The following PRKN variants were observed in gnomAD, a reference collection of about 807,000 sequenced individuals.
PRKN encodes parkin RBR E3 ubiquitin protein ligase, also known as E3 ubiquitin-protein ligase parkin.
A neutral mutation model predicts 59.5 loss-of-function variants in PRKN; 56 were observed. The ratio of observed to expected loss-of-function variants is 0.94; its 90% CI spans 0.76 to 1.18. The LOEUF (loss-of-function observed/expected upper bound fraction) is 1.18. PRKN is among the 50% of genes most tolerant of loss of function. The pLI, the probability that PRKN is intolerant of heterozygous loss-of-function variation, is 0.00. For missense variants in PRKN, 657 were observed against 596.4 expected, an observed-to-expected ratio of 1.10 and a Z score of -1.06; for synonymous variants, 250 against 222.1, an observed-to-expected ratio of 1.13 and a Z score of -1.12.
At chr6:161,957,630 G>A (rs979772767) in intron 6 of PRKN, among the ~76,000 whole-genome samples, 2 of 152,020 alleles carry the variant, frequency 1.3e-5, no homozygotes, top group Admixed American at 6.6e-5. Flanking sequence ...TCACCATGTT[G>A]GCCAAGATGG....
At chr6:162,164,811 T>A (rs1188781279) in intron 4 of PRKN, among the ~76,000 whole-genome samples, 1 of 148,600 alleles carries the variant, frequency 6.7e-6, no homozygotes, top group Non-Finnish European at 1.5e-5. Flanking sequence ...CTACCAAGTT[T>A]ACTAGGACAC....
At chr6:162,041,975 G>C (rs1322042033) in intron 5 of PRKN, among the ~76,000 whole-genome samples, 1 of 152,074 alleles carries the variant, frequency 6.6e-6, no homozygotes, top group African/African-American at 2.4e-5. Flanking sequence ...ACAAGGCCTT[G>C]CTGAGAAGGC....
intron 5 of PRKN, among the ~76,000 whole-genome samples, chr6:162,007,803 A>C (rs1350750352): frequency 6.6e-6 from 1 of 152,162 alleles, no homozygotes; most frequent in Non-Finnish European, 1.5e-5. Flanking sequence ...GTTCTCTATA[A>C]TAACTTCATT....
At position 161,579,441 on chromosome 6, in the gene PRKN, A is replaced by G. The variant is rs1363825743; in HGVS notation, c.872-10025T>C. ...TCTGAGTTCCAAACAATGTATAGACATGAACATTTATGGAACACTCCCCTG... is the reference window on the plus strand; with the variant it reads ...TCTGAGTTCCAAACAATGTATAGACGTGAACATTTATGGAACACTCCCCTG... On this transcript the variant is annotated intron_variant, in intron 7 of 11. Transcript: ENST00000366898. This position sits in a 1 kb window ranked among gnomAD's most constrained non-coding sequence, Gnocchi z 4.2. Among the ~76,000 whole-genome samples, 1 of 152,196 alleles carries G rather than the reference A, an allele frequency of 6.6e-6. No individual in the cohort carries two copies. The highest frequency in any genetic ancestry group is 2.4e-5 in the African/African-American group (1 of 41,444).
intron 10 of PRKN, among the ~76,000 whole-genome samples, chr6:161,374,651 G>A (rs113758270): frequency 0.1 from 475 of 4,618 alleles, no homozygotes; most frequent in South Asian, 0.2. Flanking sequence ...TGGTGTGTGT[G>A]TATGTGTGAT....
chr6:162,127,465 T>G (rs1781170003), intron 4 of PRKN, among the ~76,000 whole-genome samples: 1 of 152,232 alleles, frequency 6.6e-6, no homozygotes, highest in African/African-American at 2.4e-5. Context: ...AAAATAACAT[T>G]ATTTCTCTTC....
At chr6:161,838,461 G>A (rs543549597) in intron 6 of PRKN, among the ~76,000 whole-genome samples, 2 of 152,130 alleles carry the variant, frequency 1.3e-5, no homozygotes, top group Non-Finnish European at 2.9e-5. Flanking sequence ...TCAGCCTTCC[G>A]AGCCTCAGGT....
chr6:161,728,239 TG>T (rs1458918354), intron 7 of PRKN, among the ~76,000 whole-genome samples: 3 of 135,760 alleles, frequency 2.2e-5, no homozygotes, highest in African/African-American at 1.1e-4. Flanking sequence ...CCTACCAAAA[TG>T]TGAGAAAAAA....
intron 2 of PRKN, among the ~76,000 whole-genome samples, chr6:162,400,870 C>A (rs1787758717): frequency 6.6e-6 from 1 of 152,096 alleles, no homozygotes; most frequent in African/African-American, 2.4e-5. Context: ...ATACATCATA[C>A]TCTGAGTACA....
chr6:162,190,083 C>G (rs542600632), intron 4 of PRKN, among the ~76,000 whole-genome samples: 2 of 152,178 alleles, frequency 1.3e-5, no homozygotes, highest in South Asian at 4.1e-4. Flanking sequence ...TTCAATCATA[C>G]CAACAAATGA....
chr6:161,609,050 G>T (rs1438825434), intron 7 of PRKN, among the ~76,000 whole-genome samples: 2 of 152,084 alleles, frequency 1.3e-5, no homozygotes, highest in Admixed American at 1.3e-4. Flanking sequence ...CTTAACTAAG[G>T]GCAGCATCTT....
At chr6:162,081,838 T>C (rs973143663) in intron 4 of PRKN, among the ~76,000 whole-genome samples, 2 of 152,126 alleles carry the variant, frequency 1.3e-5, no homozygotes, top group African/African-American at 4.8e-5. Context: ...TGAAAATCTG[T>C]AGTTTACTGT....
chr6:161,505,452 A>G (rs1562491713), intron 9 of PRKN, among the ~76,000 whole-genome samples: 1 of 151,510 alleles, frequency 6.6e-6, no homozygotes, highest in Non-Finnish European at 1.5e-5. Context: ...TAGGTTGCAA[A>G]AATATTCTCC....
intron 7 of PRKN, among the ~76,000 whole-genome samples, chr6:161,644,024 T>A (rs1582936733): frequency 1.3e-5 from 2 of 152,278 alleles, no homozygotes; most frequent in East Asian, 3.9e-4. Context: ...AACTATTAAC[T>A]TCAGTAGCTG....
chr6:162,638,187 T>G (rs1186758496), intron 1 of PRKN, among the ~76,000 whole-genome samples: 2 of 150,412 alleles, frequency 1.3e-5, no homozygotes, highest in Non-Finnish European at 2.9e-5. Context: ...CACTGAACTG[T>G]AAGACAATAA....
intron 1 of PRKN, among the ~76,000 whole-genome samples, chr6:162,481,724 T>C (rs976308711): frequency 7.9e-5 from 12 of 152,184 alleles, no homozygotes; most frequent in Non-Finnish European, 1.5e-4. Context: ...TATTTTTTTT[T>C]CAAATGACGG....
intron 7 of PRKN, among the ~76,000 whole-genome samples, chr6:161,607,631 A>G (rs904260671): frequency 5.3e-5 from 8 of 152,222 alleles, no homozygotes; most frequent in African/African-American, 1.9e-4. Context: ...AGGAATGGGA[A>G]ACAGGAGATG....
In PRKN at chr6:161,462,792, TC is replaced by T. The variant is rs113046721; in HGVS notation, c.1084-75916del. On this transcript the variant is annotated intron_variant, in intron 9 of 11. Transcript: ENST00000366898. The surrounding 1 kb of genome is among the most constrained non-coding windows in gnomAD (Gnocchi z 4.5). The stretch of plus-strand genomic sequence containing the variant: ...CAATAAAAACACACAGAATACACTT[TC>T]ATCCCAAAATTGGCATACTTTAAAT... Among the ~76,000 whole-genome samples the T allele has an allele frequency of 3.5e-4, 53 of 152,324 alleles. No individual in the cohort carries two copies. The highest frequency in any genetic ancestry group is 1.3e-3 in the African/African-American group (52 of 41,578).
chr6:162,023,531 T>TTG (rs1379048362), intron 5 of PRKN, among the ~76,000 whole-genome samples: 1 of 152,072 alleles, frequency 6.6e-6, no homozygotes, highest in Non-Finnish European at 1.5e-5. Flanking sequence ...CTGCCGGTGT[T>TTG]TGTCGGTGTG....
Sources: gnomAD v4.1 joint callset for allele counts (sites outside exome capture counted in the v4.1 genomes callset) on GRCh38, gnomAD v4.1.1 for gene constraint, Gnocchi (gnomAD v3.1) non-coding constraint, MANE v1.5 for transcripts, NCBI Gene and HGNC (gene_info 2026-07-23, HGNC 2026-07-21) for gene names.